The following B3GALT1 variants were observed in gnomAD, a reference collection of about 807,000 sequenced individuals.
B3GALT1 encodes beta-1,3-galactosyltransferase 1, also known as UDP-Gal:betaGlcNAc beta 1,3-galactosyltransferase, polypeptide 1.
B3GALT1 carries 10 observed loss-of-function variants against 23.2 expected under a neutral mutation model. The ratio of observed to expected loss-of-function variants is 0.43; its 90% CI spans 0.27 to 0.73. B3GALT1 has a LOEUF of 0.73. B3GALT1 is among the 30% of genes least tolerant of loss of function. The pLI, the probability that B3GALT1 is intolerant of heterozygous loss-of-function variation, is 0.21. For missense variants in B3GALT1, 299 were observed against 405.4 expected (o/e 0.74, Z 2.25); for synonymous variants, 156 against 141.5 (o/e 1.10, Z -0.73).
At chr2:167,715,839 TTC>T in intron 3 of B3GALT1, 1 of 1,613,942 alleles carries the variant, frequency 6.2e-7, no homozygotes, top group South Asian at 1.1e-5. Flanking sequence ...CCAAGTTTTT[TTC>T]TCTCTTCCCA....
intron 1 of B3GALT1, among the ~76,000 whole-genome samples, chr2:167,303,274 A>T: frequency 6.6e-6 from 1 of 152,122 alleles, no homozygotes; most frequent in East Asian, 1.9e-4. Context: ...ATAATATATT[A>T]TACAACTGGT....
chr2:167,385,267 T>C (rs1403924970), intron 1 of B3GALT1, among the ~76,000 whole-genome samples: 1 of 152,128 alleles, frequency 6.6e-6, no homozygotes, highest in African/African-American at 2.4e-5. Flanking sequence ...AACTCTCTTT[T>C]AACATTCTGC....
intron 1 of B3GALT1, among the ~76,000 whole-genome samples, chr2:167,441,142 A>G (rs1434545854): frequency 6.6e-6 from 1 of 152,118 alleles, no homozygotes. Context: ...GACCAAATGG[A>G]CTCTAGCATT....
chr2:167,447,895 G>C (rs1295295842), intron 1 of B3GALT1, among the ~76,000 whole-genome samples: 1 of 152,070 alleles, frequency 6.6e-6, no homozygotes, highest in African/African-American at 2.4e-5. Flanking sequence ...GATGAACCTG[G>C]TACCTCAGTT....
At chr2:167,794,084 T>G (rs1688496869) in intron 3 of B3GALT1, among the ~76,000 whole-genome samples, 1 of 152,222 alleles carries the variant, frequency 6.6e-6, no homozygotes, top group African/African-American at 2.4e-5. Flanking sequence ...TTTTTGCTCT[T>G]CAAACCCCAT....
intron 2 of B3GALT1, among the ~76,000 whole-genome samples, chr2:167,532,167 TATA>T (rs1683336343): frequency 1.3e-5 from 2 of 152,156 alleles, no homozygotes; most frequent in South Asian, 2.1e-4. Flanking sequence ...ACTTGTGTCA[TATA>T]ATATTTTAAT....
chr2:167,706,534 A>G lies in B3GALT1; in HGVS notation c.-352+59568A>G, dbSNP rs56093877. ...CATTCCTCTTTTGTTACAGCCTAAC[A>G]TACACACTCCTCAATGGTGATAGTG... On this transcript the variant is annotated intron_variant, in intron 3 of 4. Transcript: ENST00000392690. 4.1e-3 allele frequency among the ~76,000 whole-genome samples: 624 copies of G among 152,356 alleles called. 1 individual carries two copies. Among genetic ancestry groups the G allele is most frequent in the African/African-American group, 0.013 (540 of 41,586 alleles).
At chr2:167,760,885 G>T (rs1260410446) in intron 3 of B3GALT1, among the ~76,000 whole-genome samples, 1 of 152,166 alleles carries the variant, frequency 6.6e-6, no homozygotes, top group Non-Finnish European at 1.5e-5. Flanking sequence ...CATATCTTTG[G>T]CATTCATCAA....
rs1690393900 is a variant in B3GALT1, at chr2:167,873,821, A to G, written c.*3801A>G. ...CTATTTAGGGTTACATGGGTTGCCA[A>G]TCAAGCTGCTAATCAGAATACTATT... On this transcript the variant is annotated 3_prime_UTR_variant, in exon 5 of 5. Transcript: ENST00000392690. 1 of 152,222 alleles carries G rather than the reference A, an allele frequency of 6.6e-6. No individual in the cohort carries two copies. The highest frequency in any genetic ancestry group is 1.5e-5 in the Non-Finnish European group (1 of 68,036). 9.4% of individuals were successfully genotyped at this position (152,222 alleles called of 1,614,324 possible). A position where few individuals can be genotyped will look rare whatever the true frequency, so the allele number is the denominator to read the frequency against.
At chr2:167,366,089 TGA>T (rs1195829917) in intron 1 of B3GALT1, among the ~76,000 whole-genome samples, 2 of 152,220 alleles carry the variant, frequency 1.3e-5, no homozygotes, top group Non-Finnish European at 2.9e-5. Flanking sequence ...AAAAAATATT[TGA>T]GAGACTAATA....
intron 3 of B3GALT1, chr2:167,716,078 C>T: frequency 6.4e-7 from 1 of 1,560,046 alleles, no homozygotes; most frequent in Non-Finnish European, 8.8e-7. Flanking sequence ...CGCCAAGCTG[C>T]TCTGGCGGTC....
chr2:167,540,819 G>A (rs1381699231), intron 2 of B3GALT1, among the ~76,000 whole-genome samples: 4 of 152,252 alleles, frequency 2.6e-5, no homozygotes, highest in African/African-American at 9.6e-5. Flanking sequence ...AAAACAGAAG[G>A]TAGGGATGTT....
At chr2:167,542,014 G>T (rs1683540852) in intron 2 of B3GALT1, among the ~76,000 whole-genome samples, 1 of 152,030 alleles carries the variant, frequency 6.6e-6, no homozygotes, top group Non-Finnish European at 1.5e-5. Context: ...GGGATATTTT[G>T]AAAAGACATT....
intron 3 of B3GALT1, among the ~76,000 whole-genome samples, chr2:167,710,641 T>G (rs1277908127): frequency 6.6e-6 from 1 of 152,236 alleles, no homozygotes; most frequent in African/African-American, 2.4e-5. Context: ...CAGATGTTAC[T>G]TCACTGGAAT....
chr2:167,351,729 A>G (rs1697311385), intron 1 of B3GALT1, among the ~76,000 whole-genome samples: 1 of 152,152 alleles, frequency 6.6e-6, no homozygotes, highest in Non-Finnish European at 1.5e-5. Flanking sequence ...GAAAATATGA[A>G]ATGATTCAAT....
chr2:167,462,820 T>A (rs1367033451), intron 1 of B3GALT1, among the ~76,000 whole-genome samples: 7 of 152,174 alleles, frequency 4.6e-5, no homozygotes, highest in Non-Finnish European at 1.5e-5. Flanking sequence ...TTAAAACTAA[T>A]GCTAATTATA....
chr2:167,537,849 A>G (rs965863313), intron 2 of B3GALT1, among the ~76,000 whole-genome samples: 1 of 137,920 alleles, frequency 7.3e-6, no homozygotes, highest in African/African-American at 2.8e-5. Flanking sequence ...TTTTTGACAG[A>G]GTCTCATTCT....
At chr2:167,428,054 T>A (rs1051838619) in intron 1 of B3GALT1, among the ~76,000 whole-genome samples, 4 of 152,096 alleles carry the variant, frequency 2.6e-5, no homozygotes, top group African/African-American at 9.7e-5. Flanking sequence ...CGGGAAAACA[T>A]TGGGAGGAAA....
intron 1 of B3GALT1, among the ~76,000 whole-genome samples, chr2:167,420,226 A>G (rs1352661835): frequency 6.6e-6 from 1 of 152,222 alleles, no homozygotes; most frequent in African/African-American, 2.4e-5. Flanking sequence ...GTAGTTTCAA[A>G]TGACAGGATT....
Sources: gnomAD v4.1 joint callset for allele counts (sites outside exome capture counted in the v4.1 genomes callset) on GRCh38, gnomAD v4.1.1 for gene constraint, MANE v1.5 for transcripts, NCBI Gene and HGNC (gene_info 2026-07-23, HGNC 2026-07-21) for gene names.